The following RTN4RL1 variants were observed in gnomAD, a reference collection of about 807,000 sequenced individuals.
RTN4RL1 encodes the protein reticulon-4 receptor-like 1.
RTN4RL1 carries 7 observed loss-of-function variants against 25.6 expected under a neutral mutation model. The observed-to-expected ratio is 0.27, with a 90% CI of 0.16 to 0.51. The LOEUF is 0.51. Ranked by LOEUF, RTN4RL1 falls within the 20% of genes least tolerant of loss-of-function variation. RTN4RL1 has a pLI of 0.97. For missense variants in RTN4RL1, 500 were observed against 615.6 expected, an observed-to-expected ratio of 0.81 and a Z score of 1.99; for synonymous variants, 297 against 288.2, an observed-to-expected ratio of 1.03 and a Z score of -0.31.
At chr17:1,979,457 A>G in intron 1 of RTN4RL1, among the ~76,000 whole-genome samples, 1 of 152,122 alleles carries the variant, frequency 6.6e-6, no homozygotes, top group East Asian at 1.9e-4. Flanking sequence ...AGCCTGGGTG[A>G]CACAGCAAGA....
chr17:1,944,786 C>T (rs1225048838), intron 1 of RTN4RL1, among the ~76,000 whole-genome samples: 1 of 152,144 alleles, frequency 6.6e-6, no homozygotes, highest in African/African-American at 2.4e-5. Flanking sequence ...CAACTACCCA[C>T]TTCTCATGGC....
At chr17:1,961,978 A>G (rs865901378) in intron 1 of RTN4RL1, among the ~76,000 whole-genome samples, 2,775 of 87,026 alleles carry the variant, frequency 0.032, 36 homozygotes, top group Non-Finnish European at 0.066. Context: ...AAGAAAGAAA[A>G]GAAAGAAAGA....
chr17:1,943,623 T>C (rs1325825054), intron 1 of RTN4RL1, among the ~76,000 whole-genome samples: 1 of 152,130 alleles, frequency 6.6e-6, no homozygotes, highest in African/African-American at 2.4e-5. Context: ...GCTGGTCAGA[T>C]AACAGCCTCA....
chr17:1,958,591 G>A (rs1418015665), intron 1 of RTN4RL1, among the ~76,000 whole-genome samples: 3 of 152,374 alleles, frequency 2.0e-5, no homozygotes, highest in Admixed American at 6.5e-5. Context: ...GAGTTGGCAC[G>A]ACAGAGGTGG....
At chr17:2,007,416 C>A (rs544857432) in intron 1 of RTN4RL1, among the ~76,000 whole-genome samples, 5 of 150,760 alleles carry the variant, frequency 3.3e-5, no homozygotes, top group African/African-American at 1.2e-4. Flanking sequence ...ATTCAAGTCC[C>A]GTCTGGCTGC....
At chr17:1,995,900 T>G (rs545648478) in intron 1 of RTN4RL1, among the ~76,000 whole-genome samples, 2 of 152,182 alleles carry the variant, frequency 1.3e-5, no homozygotes, top group Non-Finnish European at 2.9e-5. Context: ...AGAGCCAGCG[T>G]CTCCCCTGTT....
rs1194084375 is a variant in RTN4RL1, at chr17:1,937,745, G to A, written c.77C>T (p.Pro26Leu). 6.2e-7 allele frequency: 1 copy of A among 1,607,752 alleles called. No homozygotes were observed. The highest frequency in any genetic ancestry group is 8.5e-7 in the Non-Finnish European group (1 of 1,179,580). The change falls in exon 2 of 2, where the codon CCA (proline) becomes CTA (leucine). Residue 26 changes from proline (P) to leucine (L), a missense_variant. Physicochemically the swap from Pro to Leu is moderately conservative, Grantham distance 98. Coordinates refer to ENST00000331238, the MANE Select transcript of RTN4RL1 (RefSeq NM_178568.4). The part of the protein sequence containing the change: ...AAELPLGGGC[P>L]RDCVCYPAPM... ...CGCCGGGTAGCACACACAGTCCCGTGGGCAGCCACCACCCAGGGGCAGCTC... is the reference window on the plus strand; with the variant it reads ...CGCCGGGTAGCACACACAGTCCCGTAGGCAGCCACCACCCAGGGGCAGCTC...
rs1915306842 is a variant in RTN4RL1 at position 1,936,535 on chromosome 17, G to A, written c.1287C>T (p.Leu429=). 1.9e-6 allele frequency: 3 copies of A among 1,552,596 alleles called. No homozygotes were observed. Among genetic ancestry groups the A allele is most frequent in the Non-Finnish European group, 2.6e-6 (3 of 1,150,300 alleles). Residue 429 remains leucine, a synonymous_variant, in exon 2 of 2, where the codon CTC becomes CTT. Coordinates refer to ENST00000331238, the MANE Select transcript of RTN4RL1 (RefSeq NM_178568.4). ...CCGCCAGCCCCAGTGTCCAGGCCAG[G>A]AGGGAGGCCCCCAGGGAACTGGCCG... ...ASSASSLGAS[L]LAWTLGLAVT...
intron 1 of RTN4RL1, among the ~76,000 whole-genome samples, chr17:1,969,546 G>A (rs548049571): frequency 1.3e-5 from 2 of 152,306 alleles, no homozygotes; most frequent in South Asian, 4.1e-4. Context: ...CCCTTAGCCA[G>A]CCGCCAGCTT....
intron 1 of RTN4RL1, among the ~76,000 whole-genome samples, chr17:1,952,321 A>G (rs1915699246): frequency 7.3e-6 from 1 of 136,394 alleles, no homozygotes; most frequent in African/African-American, 2.6e-5. Flanking sequence ...GGCATGGGTC[A>G]AGGGAGGTTG....
intron 1 of RTN4RL1, among the ~76,000 whole-genome samples, chr17:1,939,934 C>A (rs578185471): frequency 6.6e-6 from 1 of 152,340 alleles, no homozygotes; most frequent in Non-Finnish European, 1.5e-5. Context: ...AGAGCCGGGG[C>A]ACCCAGGGCA....
chr17:1,939,712 T>C (rs891711217), intron 1 of RTN4RL1, among the ~76,000 whole-genome samples: 2 of 152,230 alleles, frequency 1.3e-5, no homozygotes, highest in African/African-American at 4.8e-5. Flanking sequence ...AGCCCCGTGC[T>C]CATTATTGGA....
At position 1,960,814 on chromosome 17, in the gene RTN4RL1, C is replaced by T. The variant is rs147723519; in HGVS notation, c.14-23006G>A. On this transcript the variant is annotated intron_variant, in intron 1 of 1. Transcript: ENST00000331238. ...CAAATGGATCATAGCACGTTGGCCT[C>T]GGAGTTTTCACACTGACGGTTCCCA... Among the ~76,000 whole-genome samples the T allele has an allele frequency of 1.4e-3, 216 of 152,204 alleles. 1 individual carries two copies. Among genetic ancestry groups the T allele is most frequent in the Non-Finnish European group, 4.3e-4 (29 of 68,022 alleles).
At chr17:1,982,627 A>G (rs1294836327) in intron 1 of RTN4RL1, among the ~76,000 whole-genome samples, 1 of 89,348 alleles carries the variant, frequency 1.1e-5, no homozygotes, top group Non-Finnish European at 2.2e-5. Context: ...AGAAAAGAAA[A>G]GAAAAGAAAA....
chr17:1,950,349 A>C (rs1915647148), intron 1 of RTN4RL1, among the ~76,000 whole-genome samples: 1 of 152,198 alleles, frequency 6.6e-6, no homozygotes, highest in Non-Finnish European at 1.5e-5. Flanking sequence ...CTATTCCAGA[A>C]GACGGACAGG....
Position 1,935,498 on chromosome 17 carries a change from C to T in RTN4RL1, c.*998G>A, listed in dbSNP as rs550482279. On this transcript the variant is annotated 3_prime_UTR_variant, in exon 2 of 2. Coordinates refer to ENST00000331238, the MANE Select transcript of RTN4RL1 (RefSeq NM_178568.4). ...GCTGCCTCCCCCTTCCTCACCGTCC[C>T]GCCGACACCTTGCCCCAGGCCCTTG... 12 of 981,040 alleles carry T rather than the reference C, an allele frequency of 1.2e-5. No individual in the cohort carries two copies. In the South Asian group the frequency reaches 2.8e-4, roughly 23 times the overall value. 60.8% of individuals were successfully genotyped at this position (981,040 alleles called of 1,614,324 possible). A position where few individuals can be genotyped will look rare whatever the true frequency, so the allele number is the denominator to read the frequency against.
At chr17:1,991,736 G>A (rs181685006) in intron 1 of RTN4RL1, among the ~76,000 whole-genome samples, 5 of 152,240 alleles carry the variant, frequency 3.3e-5, no homozygotes, top group Admixed American at 3.3e-4. Flanking sequence ...TCCTCGCAGC[G>A]GAAAATCCCA....
intron 1 of RTN4RL1, among the ~76,000 whole-genome samples, chr17:1,983,832 G>A (rs1041702304): frequency 1.3e-5 from 2 of 152,124 alleles, no homozygotes; most frequent in Non-Finnish European, 2.9e-5. Flanking sequence ...GTGAGCCACG[G>A]CGCCGGGTCC....
At chr17:1,976,445 C>T (rs1396471170) in intron 1 of RTN4RL1, among the ~76,000 whole-genome samples, 2 of 152,214 alleles carry the variant, frequency 1.3e-5, no homozygotes, top group African/African-American at 4.8e-5. Context: ...CTTCTCTCTG[C>T]ATGAGGTTGA....
Sources: gnomAD v4.1 joint callset for allele counts (sites outside exome capture counted in the v4.1 genomes callset) on GRCh38, gnomAD v4.1.1 for gene constraint, MANE v1.5 for transcripts, NCBI Gene and HGNC (gene_info 2026-07-23, HGNC 2026-07-21) for gene names.